AGBL4: variants seen among roughly 807,000 people sequenced by gnomAD.
AGBL4 encodes AGBL carboxypeptidase 4, also known as cytosolic carboxypeptidase 6.
In AGBL4, 58 loss-of-function variants were observed where a neutral mutation model predicts 66.4. The observed-to-expected ratio is 0.87, with a 90% CI of 0.71 to 1.09. AGBL4 has a LOEUF of 1.09. Ranked by LOEUF, AGBL4 falls within the 50% of genes least tolerant of loss-of-function variation. The pLI, the probability that AGBL4 is intolerant of heterozygous loss-of-function variation, is 0.00. For synonymous variants in AGBL4, 234 were observed against 222.9 expected, an observed-to-expected ratio of 1.05 and a Z score of -0.44; for missense variants, 579 against 631.0, an observed-to-expected ratio of 0.92 and a Z score of 0.88.
intron 3 of AGBL4, among the ~76,000 whole-genome samples, chr1:49,641,714 CAT>C (rs1395562407): frequency 6.6e-6 from 1 of 151,992 alleles, no homozygotes; most frequent in African/African-American, 2.4e-5. Flanking sequence ...CTAATAAGCA[CAT>C]GACATTTAAC....
At chr1:49,353,036 A>C (rs938232054) in intron 3 of AGBL4, among the ~76,000 whole-genome samples, 1 of 152,214 alleles carries the variant, frequency 6.6e-6, no homozygotes, top group Non-Finnish European at 1.5e-5. Flanking sequence ...AACTAGTTTA[A>C]GTATTATCCC....
At chr1:49,683,924 A>G (rs1646742942) in intron 3 of AGBL4, among the ~76,000 whole-genome samples, 1 of 152,222 alleles carries the variant, frequency 6.6e-6, no homozygotes, top group East Asian at 1.9e-4. Flanking sequence ...ATTACACTGC[A>G]GTGAAACTAA....
chr1:49,694,508 T>G (rs954907174), intron 3 of AGBL4, among the ~76,000 whole-genome samples: 1 of 152,114 alleles, frequency 6.6e-6, no homozygotes. Context: ...TGATTTCTAA[T>G]TGGAACAAGG....
At chr1:49,537,760 T>TA (rs1026587958) in intron 3 of AGBL4, among the ~76,000 whole-genome samples, 1 of 151,662 alleles carries the variant, frequency 6.6e-6, no homozygotes, top group Non-Finnish European at 1.5e-5. Flanking sequence ...CCGTCTCTTC[T>TA]AAAAAAAATA....
At chr1:49,957,263 A>G (rs1233883690) in intron 1 of AGBL4, among the ~76,000 whole-genome samples, 1 of 152,090 alleles carries the variant, frequency 6.6e-6, no homozygotes, top group Non-Finnish European at 1.5e-5. Context: ...ATTTGCTAGG[A>G]CTGCTTTACC....
At chr1:49,624,955 A>G (rs971361536) in intron 3 of AGBL4, among the ~76,000 whole-genome samples, 1 of 152,126 alleles carries the variant, frequency 6.6e-6, no homozygotes, top group African/African-American at 2.4e-5. Flanking sequence ...ATTAGTTTTT[A>G]ACCCACATAA....
intron 3 of AGBL4, among the ~76,000 whole-genome samples, chr1:49,483,733 A>C (rs896974809): frequency 2.6e-5 from 4 of 152,010 alleles, no homozygotes; most frequent in African/African-American, 9.7e-5. Context: ...CAACCAAAGT[A>C]AACATGGCCC....
intron 6 of AGBL4, among the ~76,000 whole-genome samples, chr1:48,701,695 T>G (rs1227320551): frequency 6.6e-6 from 1 of 152,218 alleles, no homozygotes; most frequent in Non-Finnish European, 1.5e-5. Flanking sequence ...TTAACAGCAC[T>G]GGGTGATGAT....
chr1:49,102,320 CA>C (rs1320745022), intron 4 of AGBL4, among the ~76,000 whole-genome samples: 1 of 152,082 alleles, frequency 6.6e-6, no homozygotes, highest in Non-Finnish European at 1.5e-5. Context: ...AGAGATCAGG[CA>C]ATTTTACCTA....
rs536290269 is a variant in AGBL4, at chr1:49,718,149, G to A, written c.158-20712C>T. On this transcript the variant is annotated intron_variant, in intron 2 of 13. Coordinates refer to ENST00000371839, the MANE Select transcript of AGBL4 (RefSeq NM_032785.4). The stretch of plus-strand genomic sequence containing the variant: ...ATTCCCAATGTTAGAGGTGGGGAGA[G>A]GTAGGAGGTGATGGGTCATAAGGGA... Among the ~76,000 whole-genome samples, 4 of 152,158 alleles carry A rather than the reference G, an allele frequency of 2.6e-5. No homozygotes were observed. In the South Asian group the frequency reaches 8.3e-4, roughly 32 times the overall value.
chr1:48,754,422 A>T (rs1233863727), intron 6 of AGBL4, among the ~76,000 whole-genome samples: 6 of 152,226 alleles, frequency 3.9e-5, no homozygotes, highest in African/African-American at 1.4e-4. Flanking sequence ...CCAGTCCTGG[A>T]ACAAAGGATA....
At chr1:49,208,528 G>A (rs1648419113) in intron 4 of AGBL4, among the ~76,000 whole-genome samples, 1 of 152,076 alleles carries the variant, frequency 6.6e-6, no homozygotes, top group Non-Finnish European at 1.5e-5. Context: ...CTAGAACAAG[G>A]AGTTTACCAC....
intron 5 of AGBL4, among the ~76,000 whole-genome samples, chr1:48,947,930 A>C (rs1404013904): frequency 6.6e-6 from 1 of 150,548 alleles, no homozygotes. Context: ...CTCACTCGTG[A>C]CCCAGGCTGG....
intron 6 of AGBL4, among the ~76,000 whole-genome samples, chr1:48,686,062 C>A (rs1646526414): frequency 6.6e-6 from 1 of 152,180 alleles, no homozygotes; most frequent in South Asian, 2.1e-4. Flanking sequence ...CCCTCCAAAT[C>A]CCTATGAGAT....
chr1:49,604,726 C>T (rs957752908), intron 3 of AGBL4, among the ~76,000 whole-genome samples: 7 of 152,068 alleles, frequency 4.6e-5, no homozygotes, highest in Non-Finnish European at 1.0e-4. Flanking sequence ...CTTCTTCCAT[C>T]TCACTAGTAG....
chr1:49,272,064 A>G (rs1489688039), intron 3 of AGBL4, among the ~76,000 whole-genome samples: 1 of 152,192 alleles, frequency 6.6e-6, no homozygotes, highest in Non-Finnish European at 1.5e-5. Flanking sequence ...TTGTCACACT[A>G]ATGTTATTAC....
chr1:48,708,263 C>T (rs1390009317), intron 6 of AGBL4, among the ~76,000 whole-genome samples: 1 of 152,156 alleles, frequency 6.6e-6, no homozygotes, highest in Non-Finnish European at 1.5e-5. Flanking sequence ...CCTCTCTGTG[C>T]ATGGGCCAGA....
chr1:49,850,639 GA>G (rs1646280299), intron 2 of AGBL4, among the ~76,000 whole-genome samples: 1 of 152,012 alleles, frequency 6.6e-6, no homozygotes, highest in Non-Finnish European at 1.5e-5. Context: ...TTAAGGTTCA[GA>G]AAAAACTATT....
intron 9 of AGBL4, among the ~76,000 whole-genome samples, chr1:48,620,900 G>A (rs549863507): frequency 6.6e-6 from 1 of 152,162 alleles, no homozygotes; most frequent in South Asian, 2.1e-4. Flanking sequence ...TGCAGATAGG[G>A]CTATGGAGGC....
Sources: allele counts gnomAD v4.1 joint callset (sites outside exome capture counted in the v4.1 genomes callset), GRCh38; gene constraint gnomAD v4.1.1; transcripts MANE v1.5; gene names NCBI Gene and HGNC (gene_info 2026-07-23, HGNC 2026-07-21).